The following TTC29 variants were observed in gnomAD, a reference collection of about 807,000 sequenced individuals.
The protein encoded by TTC29 is tetratricopeptide repeat domain 29.
A neutral mutation model predicts 58.1 loss-of-function variants in TTC29; 49 were observed. The ratio of observed to expected loss-of-function variants is 0.84; its 90% confidence interval spans 0.67 to 1.07. The LOEUF is 1.07. Ranked by LOEUF, TTC29 falls within the 50% of genes least tolerant of loss-of-function variation. TTC29 has a pLI of 0.00. For missense variants in TTC29, 582 were observed against 555.6 expected, an observed-to-expected ratio of 1.05 and a Z score of -0.48; for synonymous variants, 209 against 196.8, an observed-to-expected ratio of 1.06 and a Z score of -0.52.
intron 11 of TTC29, among the ~76,000 whole-genome samples, chr4:146,734,607 G>T (rs1744587622): frequency 6.6e-6 from 1 of 152,064 alleles, no homozygotes; most frequent in Admixed American, 6.6e-5. Context: ...GGAATTTGAT[G>T]CTATCTCCAG....
At chr4:146,730,083 G>T (rs1265507156) in intron 11 of TTC29, among the ~76,000 whole-genome samples, 1 of 151,956 alleles carries the variant, frequency 6.6e-6, no homozygotes, top group African/African-American at 2.4e-5. Context: ...TTTTATAAGG[G>T]TTTTCATTGG....
At chr4:146,833,712 G>T in intron 9 of TTC29, 94 bp downstream of exon 9, 1 of 927,118 alleles carries the variant, frequency 1.1e-6, no homozygotes. Flanking sequence ...AATTTAAGCA[G>T]GCAGTAATGG....
At chr4:146,903,386 G>C (rs1040428609) in intron 6 of TTC29, among the ~76,000 whole-genome samples, 158 bp downstream of exon 6, 1 of 151,934 alleles carries the variant, frequency 6.6e-6, no homozygotes, top group African/African-American at 2.4e-5. Flanking sequence ...ACTGAAGCTG[G>C]GTCCACAAGT....
intron 4 of TTC29, among the ~76,000 whole-genome samples, chr4:146,927,553 T>C (rs188355680): frequency 2.6e-5 from 4 of 152,270 alleles, no homozygotes; most frequent in Non-Finnish European, 1.5e-5. Context: ...ATCTATATAC[T>C]ATCTGTACTA....
At chr4:146,844,032 T>G (rs959120814) in intron 8 of TTC29, among the ~76,000 whole-genome samples, 1 of 152,162 alleles carries the variant, frequency 6.6e-6, no homozygotes, top group Non-Finnish European at 1.5e-5. Context: ...AATAGCAAAT[T>G]TTTGTTTTAC....
chr4:146,938,440 TA>T (rs1736053770), intron 3 of TTC29, among the ~76,000 whole-genome samples: 1 of 152,132 alleles, frequency 6.6e-6, no homozygotes, highest in African/African-American at 2.4e-5. Flanking sequence ...CATCCTAACC[TA>T]AGGATATGAG....
At chr4:146,893,889 C>T (rs1486314944) in intron 6 of TTC29, among the ~76,000 whole-genome samples, 4 of 152,154 alleles carry the variant, frequency 2.6e-5, no homozygotes, top group African/African-American at 9.7e-5. Flanking sequence ...AGACACTTCT[C>T]AAAAGAAGAC....
At chr4:146,797,013 C>A (rs1035101192) in intron 11 of TTC29, among the ~76,000 whole-genome samples, 1 of 152,004 alleles carries the variant, frequency 6.6e-6, no homozygotes, top group African/African-American at 2.4e-5. Flanking sequence ...AAAAAAAGGT[C>A]AAAATTAAAA....
At chr4:146,796,222 G>C (rs1309170674) in intron 11 of TTC29, among the ~76,000 whole-genome samples, 1 of 151,628 alleles carries the variant, frequency 6.6e-6, no homozygotes, top group African/African-American at 2.4e-5. Context: ...AACCATATCA[G>C]GGAGAATGAT....
At chr4:146,779,276 G>A (rs1211732651) in intron 11 of TTC29, among the ~76,000 whole-genome samples, 1 of 152,050 alleles carries the variant, frequency 6.6e-6, no homozygotes, top group Non-Finnish European at 1.5e-5. Flanking sequence ...ATATTGAAGA[G>A]CAACTTCCAC....
chr4:146,929,797 T>C (rs1386231778), intron 4 of TTC29, among the ~76,000 whole-genome samples: 1 of 152,106 alleles, frequency 6.6e-6, no homozygotes, highest in East Asian at 1.9e-4. Context: ...TTGGGTTTTC[T>C]AGCTATACAG....
intron 8 of TTC29, among the ~76,000 whole-genome samples, chr4:146,844,793 G>A (rs190502547): frequency 6.6e-6 from 1 of 152,276 alleles, no homozygotes; most frequent in East Asian, 1.9e-4. Context: ...AATCTCTGAG[G>A]CAGCCTGATA....
chr4:146,844,832 G>A (rs1306637710), intron 8 of TTC29, among the ~76,000 whole-genome samples: 2 of 152,184 alleles, frequency 1.3e-5, no homozygotes, highest in Admixed American at 6.5e-5. Context: ...TAAGATTAAA[G>A]CAATTAGTTT....
At chr4:146,925,383 G>A (rs1266969735) in intron 4 of TTC29, among the ~76,000 whole-genome samples, 2 of 151,976 alleles carry the variant, frequency 1.3e-5, no homozygotes, top group Non-Finnish European at 2.9e-5. Context: ...TCTACTATCA[G>A]AAGCACAAAC....
At chr4:146,868,117 T>G (rs1449448298) in intron 7 of TTC29, among the ~76,000 whole-genome samples, 1 of 152,156 alleles carries the variant, frequency 6.6e-6, no homozygotes, top group Non-Finnish European at 1.5e-5. Context: ...TTATTTTGAT[T>G]ATGTTCTGTT....
intron 11 of TTC29, among the ~76,000 whole-genome samples, chr4:146,709,439 T>C (rs1742325747): frequency 6.6e-6 from 1 of 152,138 alleles, no homozygotes; most frequent in Non-Finnish European, 1.5e-5. Flanking sequence ...CTTCCTTATA[T>C]AATTTAAATT....
rs1442886430 is a variant in TTC29, at chr4:146,859,939, T to A, written c.885+7559A>T. 2.0e-5 allele frequency among the ~76,000 whole-genome samples: 3 copies of A among 152,290 alleles called. 1 individual carries two copies. The South Asian group carries it at 6.2e-4, about 32-fold the overall frequency. On this transcript the variant is annotated intron_variant, in intron 8 of 12. Transcript: ENST00000325106. ...ATGCTGGATTTCTTTTCTTTTAATATGTCATCATACAAAGACTGAGCCATG... is the reference window on the plus strand; with the variant it reads ...ATGCTGGATTTCTTTTCTTTTAATAAGTCATCATACAAAGACTGAGCCATG...
chr4:146,779,696 A>C (rs1386637525), intron 11 of TTC29, among the ~76,000 whole-genome samples: 1 of 152,188 alleles, frequency 6.6e-6, no homozygotes, highest in African/African-American at 2.4e-5. Flanking sequence ...TCTGGGCACC[A>C]CAGCACTTAT....
intron 11 of TTC29, among the ~76,000 whole-genome samples, chr4:146,707,959 C>G (rs1742102898): frequency 6.6e-6 from 1 of 151,810 alleles, no homozygotes; most frequent in African/African-American, 2.4e-5. Context: ...GTCCTCATAC[C>G]CTGAGACTGC....
Sources: allele counts gnomAD v4.1 joint callset (sites outside exome capture counted in the v4.1 genomes callset), GRCh38; gene constraint gnomAD v4.1.1; transcripts MANE v1.5; gene names NCBI Gene and HGNC (gene_info 2026-07-23, HGNC 2026-07-21).